The following ATP6V1E1 variants were observed in gnomAD, a reference collection of about 807,000 sequenced individuals.
ATP6V1E1 encodes the protein ATPase H+ transporting V1 subunit E1, also known as V-type proton ATPase subunit E 1.
A neutral mutation model predicts 35.2 loss-of-function variants in ATP6V1E1; 21 were observed. The observed-to-expected ratio is 0.60, with a 90% CI of 0.42 to 0.86. ATP6V1E1 has a LOEUF of 0.86. Among genes scored for constraint, ATP6V1E1 ranks in the 40% least tolerant of loss-of-function variants. The pLI is 0.00. For missense variants in ATP6V1E1, 183 were observed against 272.6 expected, an observed-to-expected ratio of 0.67 and a Z score of 2.32; for synonymous variants, 83 against 87.8, an observed-to-expected ratio of 0.95 and a Z score of 0.30.
intron 1 of ATP6V1E1, among the ~76,000 whole-genome samples, chr22:17,622,403 T>G (rs148738910): frequency 6.6e-6 from 1 of 152,302 alleles, no homozygotes; most frequent in East Asian, 1.9e-4. Context: ...TTTAACAATC[T>G]GTAAACAATC....
chr22:17,625,756 G>A (rs2057900882), intron 1 of ATP6V1E1, among the ~76,000 whole-genome samples: 2 of 151,994 alleles, frequency 1.3e-5, no homozygotes, highest in South Asian at 4.1e-4. Context: ...ATTACTAAAT[G>A]CAAGGATTCT....
At chr22:17,614,168 T>C (rs8135566) in intron 2 of ATP6V1E1, among the ~76,000 whole-genome samples, 2,361 of 151,864 alleles carry the variant, frequency 0.016, 61 homozygotes, top group African/African-American at 0.054. Flanking sequence ...CTGATCAACA[T>C]AGAGAAACCT....
At chr22:17,605,768 G>A (rs901951089) in intron 4 of ATP6V1E1, among the ~76,000 whole-genome samples, 5 of 134,018 alleles carry the variant, frequency 3.7e-5, no homozygotes, top group Admixed American at 1.8e-4. Flanking sequence ...CACAATCATA[G>A]CTCAATCCTC....
chr22:17,595,868 C>T (rs561486499), intron 7 of ATP6V1E1, among the ~76,000 whole-genome samples: 4 of 151,994 alleles, frequency 2.6e-5, no homozygotes, highest in East Asian at 1.9e-4. Flanking sequence ...CGGTGGCTCA[C>T]GCCTGTAATC....
At position 17,598,248 on chromosome 22, in the gene ATP6V1E1, G is replaced by C. The variant is rs762959786; in HGVS notation, c.476C>G (p.Thr159Ser). 8.1e-6 allele frequency: 13 copies of C among 1,613,948 alleles called. No individual in the cohort carries two copies. The highest frequency in any genetic ancestry group is 2.7e-5 in the African/African-American group (2 of 74,906). ...AATTTGGACATCAACATCGTTTTTG[G>C]TGGCAATTTTGTACATAGGAATTGC... ...QKAIPMYKIA[T>S]KNDVDVQIDQ... Residue 159 changes from threonine to serine, a missense_variant, in exon 7 of 9, where the codon ACC (threonine) becomes AGC (serine). Thr to Ser is a moderately conservative substitution (Grantham distance 58). Transcript: ENST00000253413.
At chr22:17,612,608 A>C in intron 4 of ATP6V1E1, 1 of 533,166 alleles carries the variant, frequency 1.9e-6, no homozygotes, top group Non-Finnish European at 3.3e-6. Context: ...ATAATCCAGG[A>C]GAGTCTTACA....
intron 4 of ATP6V1E1, chr22:17,612,530 T>C (rs1225698959): frequency 1.3e-5 from 4 of 297,968 alleles, no homozygotes; most frequent in Non-Finnish European, 2.5e-5. Context: ...TTAACCATCC[T>C]ATGGTTCTGG....
intron 7 of ATP6V1E1, 117 bp from the exon 8 acceptor site, chr22:17,594,733 G>T: frequency 1.3e-6 from 1 of 774,940 alleles, no homozygotes. Flanking sequence ...CGCAACCTAA[G>T]CAACAGGCTT....
At chr22:17,607,198 G>C (rs1365831861) in intron 4 of ATP6V1E1, among the ~76,000 whole-genome samples, 1 of 150,550 alleles carries the variant, frequency 6.6e-6, no homozygotes, top group Non-Finnish European at 1.5e-5. Context: ...TCACTCTGTC[G>C]CCAGGCTGGA....
intron 2 of ATP6V1E1, among the ~76,000 whole-genome samples, chr22:17,615,218 T>C (rs949055844): frequency 3.3e-5 from 5 of 152,022 alleles, no homozygotes; most frequent in African/African-American, 7.2e-5. Flanking sequence ...GGAGAATTGC[T>C]TGAAGCCAGG....
At chr22:17,616,177 C>T (rs1211036564) in intron 2 of ATP6V1E1, among the ~76,000 whole-genome samples, 7 of 150,950 alleles carry the variant, frequency 4.6e-5, no homozygotes, top group Middle Eastern at 3.3e-3. Context: ...GAAACCCCAT[C>T]GCTATTAAAA....
intron 7 of ATP6V1E1, 36 bp downstream of exon 7, chr22:17,598,158 G>A: frequency 6.5e-7 from 1 of 1,530,528 alleles, no homozygotes; most frequent in Non-Finnish European, 9.0e-7. Context: ...CTCCCAGGGA[G>A]AGAAGGTAGC....
chr22:17,627,877 A>C (rs2057926442), intron 1 of ATP6V1E1, among the ~76,000 whole-genome samples: 1 of 150,612 alleles, frequency 6.6e-6, no homozygotes. Flanking sequence ...CGACCTTGTC[A>C]AAACACTGGT....
At chr22:17,603,809 G>A (rs886864554) in intron 4 of ATP6V1E1, among the ~76,000 whole-genome samples, 2 of 152,174 alleles carry the variant, frequency 1.3e-5, no homozygotes, top group South Asian at 4.1e-4. Flanking sequence ...ACATCTGGCT[G>A]AAAGAACTCT....
rs1211429717 is a variant in ATP6V1E1 at position 17,612,867 on chromosome 22, T to C, written c.221A>G (p.Asn74Ser). ...TTTGAGTCTCGCTTGATTCATCAAA[T>C]TGGACATCTGACTGCAAAACGGTAT... Reference protein sequence around the residue: ...IEQQKKIQMSNLMNQARLKVL... With the variant: ...IEQQKKIQMSSLMNQARLKVL... The change falls in exon 4 of 9, where the codon AAT (asparagine) becomes AGT (serine). Residue 74 changes from asparagine (N) to serine (S), a missense_variant. Transcript: ENST00000253413. 4 of 1,609,398 alleles carry C rather than the reference T, an allele frequency of 2.5e-6. No homozygotes were observed. In the East Asian group the frequency reaches 8.9e-5, roughly 36 times the overall value.
chr22:17,611,668 T>A (rs1011291319), intron 4 of ATP6V1E1, among the ~76,000 whole-genome samples: 2 of 152,216 alleles, frequency 1.3e-5, no homozygotes, highest in Non-Finnish European at 2.9e-5. Flanking sequence ...TGTTAATGGA[T>A]CCACCATTCT....
intron 4 of ATP6V1E1, among the ~76,000 whole-genome samples, chr22:17,608,459 T>C (rs954574445): frequency 1.4e-4 from 21 of 152,246 alleles, no homozygotes; most frequent in African/African-American, 4.6e-4. Context: ...AGGGTCTCCC[T>C]GTGTCATTTA....
At chr22:17,606,883 C>T (rs529322678) in intron 4 of ATP6V1E1, among the ~76,000 whole-genome samples, 4 of 152,314 alleles carry the variant, frequency 2.6e-5, no homozygotes, top group South Asian at 2.1e-4. Context: ...TTGAGTTTGC[C>T]GTTCCCTTGG....
intron 2 of ATP6V1E1, among the ~76,000 whole-genome samples, chr22:17,614,672 A>G (rs2057833410): frequency 6.6e-6 from 1 of 151,474 alleles, no homozygotes; most frequent in Non-Finnish European, 1.5e-5. Flanking sequence ...ACTCTTAAAA[A>G]AAAAAAAAAA....
Sources: gnomAD v4.1 joint callset for allele counts (sites outside exome capture counted in the v4.1 genomes callset) on GRCh38, gnomAD v4.1.1 for gene constraint, MANE v1.5 for transcripts, NCBI Gene and HGNC (gene_info 2026-07-23, HGNC 2026-07-21) for gene names.